CCNY: variants seen among roughly 807,000 people sequenced by gnomAD.
CCNY encodes cyclin-Y.
In CCNY, 19 loss-of-function variants were observed where a neutral mutation model predicts 42.8. That is an observed-to-expected ratio of 0.44 (90% CI 0.31 to 0.65). The LOEUF (loss-of-function observed/expected upper bound fraction) is 0.65, where lower values mean the gene tolerates loss of function less well. CCNY is among the 30% of genes least tolerant of loss of function. The pLI is 0.07. For synonymous variants in CCNY, 165 were observed against 162.7 expected (o/e 1.01, Z -0.11); for missense variants, 370 against 437.3 (o/e 0.85, Z 1.37).
chr10:35,520,865 C>T (rs1165426757), intron 4 of CCNY, among the ~76,000 whole-genome samples: 1 of 152,176 alleles, frequency 6.6e-6, no homozygotes, highest in African/African-American at 2.4e-5. Flanking sequence ...CCCCTCCCCA[C>T]CAAGTCCTCT....
intron 3 of CCNY, among the ~76,000 whole-genome samples, chr10:35,290,222 T>TCACACACACACACACACACACACA (rs368209050): frequency 1.9e-4 from 23 of 122,960 alleles, no homozygotes; most frequent in African/African-American, 6.8e-4. Flanking sequence ...CAAGACTCCA[T>TCACACACACACACACACACACACA]CACACACACA....
chr10:35,494,286 G>C (rs1004802363), intron 2 of CCNY, among the ~76,000 whole-genome samples: 4 of 140,068 alleles, frequency 2.9e-5, no homozygotes, highest in East Asian at 2.2e-4. Context: ...TTTAAAGAAA[G>C]AGTTGCTTCA....
In CCNY at chr10:35,325,323, C is replaced by T. The variant is rs191273057; in HGVS notation, c.-9+74697C>T. ...CCTCCTGAGTAGCTGGGACTACAGG[C>T]GTGCGCCATCACACCTGGCTAATTT... is the stretch of plus-strand genomic sequence containing the variant. On this transcript the variant is annotated intron_variant, in intron 3 of 11. Transcript: ENST00000374706. 1.8e-4 allele frequency among the ~76,000 whole-genome samples: 27 copies of T among 152,188 alleles called. No individual in the cohort carries two copies. The East Asian group carries it at 2.9e-3, about 16-fold the overall frequency.
intron 1 of CCNY, among the ~76,000 whole-genome samples, chr10:35,382,541 T>G (rs1018161813): frequency 2.0e-5 from 3 of 152,176 alleles, no homozygotes; most frequent in Non-Finnish European, 4.4e-5. Flanking sequence ...CTGGAGACAT[T>G]TTAGTTATCA....
chr10:35,465,155 A>T (rs1432489419), intron 1 of CCNY, among the ~76,000 whole-genome samples: 1 of 151,926 alleles, frequency 6.6e-6, no homozygotes, highest in Non-Finnish European at 1.5e-5. Context: ...TCATTCTTTT[A>T]TGTTCCTTTC....
intron 3 of CCNY, among the ~76,000 whole-genome samples, chr10:35,311,723 C>T (rs542670544): frequency 3.1e-4 from 45 of 143,522 alleles, no homozygotes; most frequent in Non-Finnish European, 5.0e-4. Context: ...TGGTGGCTCA[C>T]GCCTGTAATC....
chr10:35,458,802 T>G (rs1839093461), intron 1 of CCNY, among the ~76,000 whole-genome samples: 1 of 152,210 alleles, frequency 6.6e-6, no homozygotes, highest in Admixed American at 6.5e-5. Flanking sequence ...ATCACAGGTC[T>G]TTCCCCTTTC....
At chr10:35,533,131 C>G (rs1163250059) in intron 7 of CCNY, among the ~76,000 whole-genome samples, 1 of 152,074 alleles carries the variant, frequency 6.6e-6, no homozygotes, top group Non-Finnish European at 1.5e-5. Flanking sequence ...ATAGCTTTCC[C>G]CACCCTTCAT....
In CCNY at chr10:35,569,049, C is replaced by G; in HGVS notation, c.910-5C>G. The G allele has an allele frequency of 6.3e-7, 1 of 1,596,626 alleles. No individual in the cohort carries two copies. The highest frequency in any genetic ancestry group is 8.6e-7 in the Non-Finnish European group (1 of 1,164,754). On this transcript the variant is annotated splice_polypyrimidine_tract_variant and splice_region_variant and intron_variant, in intron 9 of 9. Coordinates refer to ENST00000374704, the MANE Select transcript of CCNY (RefSeq NM_145012.6). ...CTGACCCACACTGTCTTTCTTGCCC[C>G]TCAGGCCATCTCTCGCCTCTGCGAG... is the stretch of plus-strand genomic sequence containing the variant.
chr10:35,262,402 A>C (rs2135033168), intron 3 of CCNY, among the ~76,000 whole-genome samples: 1 of 143,894 alleles, frequency 6.9e-6, no homozygotes, highest in Admixed American at 7.2e-5. Flanking sequence ...TCTGTTGCCC[A>C]GGCTAGAGTG....
At chr10:35,263,373 A>T (rs2095721828) in intron 3 of CCNY, among the ~76,000 whole-genome samples, 1 of 150,082 alleles carries the variant, frequency 6.7e-6, no homozygotes, top group Non-Finnish European at 1.5e-5. Flanking sequence ...AAAAAAAAAA[A>T]AAAAAAAAAA....
chr10:35,426,230 C>A (rs1838269713), intron 1 of CCNY, among the ~76,000 whole-genome samples: 1 of 150,202 alleles, frequency 6.7e-6, no homozygotes, highest in South Asian at 2.1e-4. Context: ...AGCATACATG[C>A]CCATTCACAC....
chr10:35,450,779 G>C (rs1190238691), intron 1 of CCNY, among the ~76,000 whole-genome samples: 1 of 151,794 alleles, frequency 6.6e-6, no homozygotes, highest in Non-Finnish European at 1.5e-5. Flanking sequence ...TTCGGTGGGA[G>C]ATATTTTTGA....
chr10:35,281,293 A>T (rs908533017), intron 3 of CCNY, among the ~76,000 whole-genome samples: 6 of 151,218 alleles, frequency 4.0e-5, no homozygotes, highest in South Asian at 2.1e-4. Context: ...TTTATTTATT[A>T]TTTATTTATT....
chr10:35,497,524 G>GGT (rs1840025132), intron 2 of CCNY, among the ~76,000 whole-genome samples: 1 of 152,110 alleles, frequency 6.6e-6, no homozygotes, highest in African/African-American at 2.4e-5. Flanking sequence ...GATCACTTGA[G>GGT]GTGAGGAGTT....
intron 7 of CCNY, among the ~76,000 whole-genome samples, chr10:35,544,124 T>C (rs1324488516): frequency 6.6e-6 from 1 of 152,202 alleles, no homozygotes; most frequent in East Asian, 1.9e-4. Flanking sequence ...TTCATAAATT[T>C]AATAGAGCCT....
chr10:35,499,343 A>G (rs1308582924), intron 2 of CCNY, among the ~76,000 whole-genome samples: 5 of 152,164 alleles, frequency 3.3e-5, no homozygotes, highest in East Asian at 1.9e-4. Flanking sequence ...TGTTTTTACA[A>G]TCATCAGATC....
At chr10:35,304,239 T>A (rs1325723448) in intron 3 of CCNY, among the ~76,000 whole-genome samples, 3 of 152,202 alleles carry the variant, frequency 2.0e-5, no homozygotes. Flanking sequence ...GAGGTTACAA[T>A]TTATAATCTA....
intron 1 of CCNY, among the ~76,000 whole-genome samples, chr10:35,450,064 C>T (rs186237884): frequency 7.9e-5 from 12 of 152,072 alleles, no homozygotes; most frequent in African/African-American, 2.2e-4. Context: ...CGTGGTGGCA[C>T]GTGAGAGCAC....
Sources: allele counts gnomAD v4.1 joint callset (sites outside exome capture counted in the v4.1 genomes callset), GRCh38; gene constraint gnomAD v4.1.1; transcripts MANE v1.5; gene names NCBI Gene and HGNC (gene_info 2026-07-23, HGNC 2026-07-21).